Variants in MRPS31 observed in about 807,000 individuals in gnomAD.
MRPS31 encodes the protein small ribosomal subunit protein mS31.
A neutral mutation model predicts 43.1 loss-of-function variants in MRPS31; 32 were observed. That is an observed-to-expected ratio of 0.74 (90% confidence interval 0.56 to 1.00). The LOEUF (loss-of-function observed/expected upper bound fraction) is 1.00. MRPS31 is among the 50% of genes least tolerant of loss of function. The probability of loss-of-function intolerance (pLI) is 0.00; values close to 1 mark genes in which losing one functional copy is unlikely to be tolerated. For synonymous variants in MRPS31, 165 were observed against 161.6 expected (o/e 1.02, Z -0.16); for missense variants, 437 against 466.7 (o/e 0.94, Z 0.59).
intron 5 of MRPS31, among the ~76,000 whole-genome samples, chr13:40,752,683 A>G (rs1436302294): frequency 6.6e-6 from 1 of 152,222 alleles, no homozygotes. Context: ...AACTGTAGAA[A>G]GATTAAATGA....
rs139173700 is a variant in MRPS31 at position 40,749,219 on chromosome 13, G to T, written c.877C>A (p.Pro293Thr). 5.0e-6 allele frequency: 8 copies of T among 1,600,356 alleles called. No individual in the cohort carries two copies. The highest frequency in any genetic ancestry group is 1.3e-5 in the African/African-American group (1 of 74,082). ...AKQLATVNEQ[P>T]LQNGFEELIQ... ...AGCTCTTCAAATCCATTCTGAAGGG[G>T]TTGTTCATTTACTGTGGCTAACTGC... Residue 293 changes from proline to threonine, a missense_variant, in exon 6 of 7, where the codon CCC becomes ACC. By Grantham distance (38) the Pro-to-Thr change is conservative. Coordinates refer to ENST00000323563, the MANE Select transcript of MRPS31 (RefSeq NM_005830.4).
Position 40,755,799 on chromosome 13 carries a change from C to A in MRPS31, c.740+1074G>T, listed in dbSNP as rs1246642073. On this transcript the variant is annotated intron_variant, in intron 4 of 6. Transcript: ENST00000323563. ...ATTTTTTAAATATTAAATATCAAAT[C>A]TAATATTAAAAATCAAATTATAATA... 3.9e-5 allele frequency among the ~76,000 whole-genome samples: 6 copies of A among 152,136 alleles called. No homozygotes were observed. In the East Asian group the frequency reaches 1.2e-3, roughly 29 times the overall value.
intron 3 of MRPS31, 84 bp downstream of exon 3, chr13:40,758,864 A>G: frequency 8.1e-7 from 1 of 1,228,400 alleles, no homozygotes. Context: ...CGTGGTATAT[A>G]TTATGTGTAT....
At chr13:40,750,236 C>G (rs1458563974) in intron 5 of MRPS31, among the ~76,000 whole-genome samples, 2 of 152,064 alleles carry the variant, frequency 1.3e-5, no homozygotes, top group African/African-American at 4.8e-5. Context: ...GGATGAATCT[C>G]AAATCATTAT....
chr13:40,758,066 C>T (rs1408596972), intron 3 of MRPS31, among the ~76,000 whole-genome samples: 4 of 149,754 alleles, frequency 2.7e-5, no homozygotes, highest in Admixed American at 6.7e-5. Context: ...TGGCGTGAAC[C>T]GGGGAGGCGG....
chr13:40,763,851 C>G (rs1880769761), intron 2 of MRPS31, among the ~76,000 whole-genome samples: 1 of 152,154 alleles, frequency 6.6e-6, no homozygotes, highest in East Asian at 1.9e-4. Context: ...CTGCGGAACC[C>G]AGCTACCAGG....
chr13:40,729,333 A>G lies in MRPS31; in HGVS notation c.*39T>C, dbSNP rs1337265188. 3.1e-6 allele frequency: 3 copies of G among 975,626 alleles called. No homozygotes were observed. In the South Asian group the frequency reaches 4.8e-5, roughly 16 times the overall value. 60.4% of individuals were successfully genotyped at this position (975,626 alleles called of 1,614,324 possible). On this transcript the variant is annotated 3_prime_UTR_variant, in exon 7 of 7. Coordinates refer to ENST00000323563, the MANE Select transcript of MRPS31 (RefSeq NM_005830.4). ...TAAAATTATTTTATTTAGTTGTAAT[A>G]TCCATCTCTAATTGTTTGAAATAAA...
At chr13:40,731,489 G>A (rs1879697614) in intron 6 of MRPS31, among the ~76,000 whole-genome samples, 1 of 151,738 alleles carries the variant, frequency 6.6e-6, no homozygotes, top group Non-Finnish European at 1.5e-5. Flanking sequence ...GGCTGAGGCA[G>A]GAGAACTGCT....
intron 1 of MRPS31, among the ~76,000 whole-genome samples, chr13:40,769,421 T>TATATATACATAG (rs10684050): frequency 8.3e-6 from 1 of 120,110 alleles, no homozygotes; most frequent in Admixed American, 8.9e-5. Flanking sequence ...TATATATATA[T>TATATATACATAG]TATCAAGTTC....
chr13:40,743,255 C>T (rs999205208), intron 6 of MRPS31, among the ~76,000 whole-genome samples: 6 of 151,210 alleles, frequency 4.0e-5, no homozygotes, highest in African/African-American at 1.5e-4. Flanking sequence ...GCAGAGGTTA[C>T]AGTGAGCTGA....
At chr13:40,738,016 A>C (rs1245682809) in intron 6 of MRPS31, among the ~76,000 whole-genome samples, 1 of 151,974 alleles carries the variant, frequency 6.6e-6, no homozygotes, top group African/African-American at 2.4e-5. Context: ...TTTTGAAAGG[A>C]TCAACAAAAT....
chr13:40,763,985 A>G (rs1384888135), intron 2 of MRPS31, among the ~76,000 whole-genome samples: 1 of 152,202 alleles, frequency 6.6e-6, no homozygotes, highest in Non-Finnish European at 1.5e-5. Context: ...TCCAGATCCC[A>G]GCCCGGAATC....
Position 40,771,019 on chromosome 13 carries a change from T to G in MRPS31, c.118A>C (p.Thr40Pro), listed in dbSNP as rs1397377542. 2 of 1,614,010 alleles carry G rather than the reference T, an allele frequency of 1.2e-6. No individual in the cohort carries two copies. Among genetic ancestry groups the G allele is most frequent in the Non-Finnish European group, 1.7e-6 (2 of 1,180,020 alleles). Residue 40 changes from threonine to proline, a missense_variant, in exon 1 of 7, where the codon ACA (threonine) becomes CCA (proline). Physicochemically the swap from Thr to Pro is conservative, Grantham distance 38. Transcript: ENST00000323563. ...AGCGCTGAACTGCGGTACCTGACTG[T>G]TCCGTGCCGAACAGTGAGTAGCATA... is the stretch of plus-strand genomic sequence containing the variant. Reference protein sequence around the residue: ...AIMLLTVRHGTVRYRSSALLA... With the variant: ...AIMLLTVRHGPVRYRSSALLA...
At chr13:40,758,646 C>CA (rs1395978974) in intron 3 of MRPS31, among the ~76,000 whole-genome samples, 4 of 152,162 alleles carry the variant, frequency 2.6e-5, no homozygotes, top group Non-Finnish European at 5.9e-5. Context: ...TTACTTTTCT[C>CA]AGAGAAGCTA....
chr13:40,762,886 T>C (rs917126446), intron 2 of MRPS31, among the ~76,000 whole-genome samples: 13 of 151,268 alleles, frequency 8.6e-5, no homozygotes, highest in Middle Eastern at 3.2e-3. Flanking sequence ...CATTTTAATG[T>C]AGGAAGCAGA....
At chr13:40,757,481 G>T (rs1593276088) in intron 3 of MRPS31, among the ~76,000 whole-genome samples, 1 of 107,360 alleles carries the variant, frequency 9.3e-6, no homozygotes, top group Non-Finnish European at 1.7e-5. Flanking sequence ...GTTTCACTCT[G>T]TTGCCCAGGT....
chr13:40,759,070 T>A lies in MRPS31; in HGVS notation c.477A>T (p.Ala159=), dbSNP rs764934615. Residue 159 remains alanine (A), a synonymous_variant, in exon 3 of 7, where the codon GCA becomes GCT. Coordinates refer to ENST00000323563, the MANE Select transcript of MRPS31 (RefSeq NM_005830.4). ...AAGGGAGAGAATCTGCCACAGCAGA[T>A]GCAGCTGCCACCAACTCAGGACTCA... ...EPLSPELVAA[A]SAVADSLPFD... is the part of the protein sequence containing the mutation. 2 of 1,605,522 alleles carry A rather than the reference T, an allele frequency of 1.2e-6. No individual in the cohort carries two copies. The highest frequency in any genetic ancestry group is 2.7e-5 in the African/African-American group (2 of 74,670).
intron 5 of MRPS31, among the ~76,000 whole-genome samples, chr13:40,750,016 T>C (rs1436082589): frequency 6.6e-6 from 1 of 152,192 alleles, no homozygotes; most frequent in East Asian, 1.9e-4. Context: ...TCCCTGGATA[T>C]ATTCACCCAA....
intron 5 of MRPS31, among the ~76,000 whole-genome samples, chr13:40,749,798 G>A (rs929176561): frequency 5.3e-5 from 8 of 152,020 alleles, no homozygotes; most frequent in East Asian, 1.9e-4. Context: ...TATGAGTAAC[G>A]TATTATCATG....
Sources: allele counts gnomAD v4.1 joint callset (sites outside exome capture counted in the v4.1 genomes callset), GRCh38; gene constraint gnomAD v4.1.1; transcripts MANE v1.5; gene names NCBI Gene and HGNC (gene_info 2026-07-23, HGNC 2026-07-21).